Variants in ADCY2 observed in about 807,000 individuals in gnomAD.
ADCY2 encodes adenylate cyclase type 2.
In ADCY2, 31 loss-of-function variants were observed where a neutral mutation model predicts 125.2. That is an observed-to-expected ratio of 0.25 (90% CI 0.19 to 0.33). ADCY2 has a LOEUF of 0.33. Ranked by LOEUF, ADCY2 falls within the 10% of genes least tolerant of loss-of-function variation. ADCY2 has a pLI of 1.00. For synonymous variants in ADCY2, 512 were observed against 548.4 expected, an observed-to-expected ratio of 0.93 and a Z score of 0.93; for missense variants, 904 against 1,418.2, an observed-to-expected ratio of 0.64 and a Z score of 5.82.
chr5:7,416,320 C>G (rs1000529343), intron 2 of ADCY2, among the ~76,000 whole-genome samples: 2 of 152,146 alleles, frequency 1.3e-5, no homozygotes, highest in African/African-American at 4.8e-5. Flanking sequence ...ACCCGGCGGG[C>G]GCCATCACCT....
chr5:7,762,568 G>A (rs781121751), intron 16 of ADCY2, among the ~76,000 whole-genome samples: 3 of 152,354 alleles, frequency 2.0e-5, no homozygotes, highest in South Asian at 2.1e-4. Context: ...TCAGGAAGGC[G>A]ACACCTTCTG....
chr5:7,725,651 C>A (rs973702293), intron 13 of ADCY2, among the ~76,000 whole-genome samples: 1 of 152,132 alleles, frequency 6.6e-6, no homozygotes, highest in Non-Finnish European at 1.5e-5. Context: ...TTATTTCTTT[C>A]CTGATAGAAG....
chr5:7,469,651 T>C (rs1742262918), intron 2 of ADCY2, among the ~76,000 whole-genome samples: 1 of 151,876 alleles, frequency 6.6e-6, no homozygotes, highest in Non-Finnish European at 1.5e-5. Context: ...ATGTTTGACA[T>C]TTCAAATCCT....
At chr5:7,462,376 T>A (rs906290160) in intron 2 of ADCY2, among the ~76,000 whole-genome samples, 1 of 152,218 alleles carries the variant, frequency 6.6e-6, no homozygotes, top group Non-Finnish European at 1.5e-5. Flanking sequence ...CACTGATTGA[T>A]AATAACTAGG....
intron 3 of ADCY2, among the ~76,000 whole-genome samples, chr5:7,555,977 A>G (rs1735496248): frequency 6.6e-6 from 1 of 152,074 alleles, no homozygotes; most frequent in African/African-American, 2.4e-5. Context: ...ACTGCACAAT[A>G]TGGTAGCCAC....
At chr5:7,466,726 A>G (rs1742132678) in intron 2 of ADCY2, among the ~76,000 whole-genome samples, 1 of 152,216 alleles carries the variant, frequency 6.6e-6, no homozygotes. Context: ...AATGTAAATA[A>G]TAGAGTCCAC....
At chr5:7,399,285 TTTGGACTACAAAATGCTC>T in intron 1 of ADCY2, among the ~76,000 whole-genome samples, 1 of 152,352 alleles carries the variant, frequency 6.6e-6, no homozygotes, top group East Asian at 1.9e-4. Flanking sequence ...TCCTAGAGCA[TTTGGACTACAAAATGCTC>T]TTAGCATAAT....
Position 7,396,164 on chromosome 5 carries a change from A to C in ADCY2, c.-133A>C. 1.3e-5 allele frequency: 3 copies of C among 223,890 alleles called. No homozygotes were observed. The highest frequency in any genetic ancestry group is 2.1e-5 in the Non-Finnish European group (3 of 141,150). 13.9% of individuals were successfully genotyped at this position (223,890 alleles called of 1,614,324 possible). On this transcript the variant is annotated 5_prime_UTR_variant, in exon 1 of 25. Coordinates refer to ENST00000338316, the MANE Select transcript of ADCY2 (RefSeq NM_020546.3). This position sits in a 1 kb window ranked among gnomAD's most constrained non-coding sequence, Gnocchi z 5.7. ...GGGCGCCGAGCTCCGCCCGCGCCGG[A>C]GGCCCCTGCGCGCAGCTCCGGGTGC...
chr5:7,517,110 C>T (rs141505083), intron 2 of ADCY2, among the ~76,000 whole-genome samples: 3 of 152,216 alleles, frequency 2.0e-5, no homozygotes, highest in South Asian at 2.1e-4. Context: ...GTAGAAGATA[C>T]GTAGGAAGAT....
At chr5:7,805,778 T>TAGTTTCCC (rs1171873429) in intron 22 of ADCY2, among the ~76,000 whole-genome samples, 1 of 152,212 alleles carries the variant, frequency 6.6e-6, no homozygotes, top group African/African-American at 2.4e-5. Flanking sequence ...GAGAGGGTCC[T>TAGTTTCCC]AGTTTCCCGC....
Position 7,482,791 on chromosome 5 carries a change from T to TATATATATATATATAC in ADCY2, c.409-37946_409-37945insTATATATATATATACA, listed in dbSNP as rs1443104319. On this transcript the variant is annotated intron_variant, in intron 2 of 24. Coordinates refer to ENST00000338316, the MANE Select transcript of ADCY2 (RefSeq NM_020546.3). ...TGATATATATATATATATATATATA[T>TATATATATATATATAC]ACACACACACATACATATATACATA... 9.0e-4 allele frequency among the ~76,000 whole-genome samples: 126 copies of TATATATATATATATAC among 139,806 alleles called. 1 individual carries two copies. Among genetic ancestry groups the TATATATATATATATAC allele is most frequent in the African/African-American group, 3.3e-3 (119 of 35,750 alleles). The allele number at this position is 139,806 out of a possible 152,430, so 91.7% of individuals were successfully genotyped here. A position where few individuals can be genotyped will look rare whatever the true frequency, so the allele number is the denominator to read the frequency against.
At chr5:7,696,810 C>G (rs547539795) in intron 6 of ADCY2, among the ~76,000 whole-genome samples, 1 of 152,256 alleles carries the variant, frequency 6.6e-6, no homozygotes, top group South Asian at 2.1e-4. Flanking sequence ...TGTAGTTCCA[C>G]CGACCATGAC....
At chr5:7,770,820 T>C (rs1340413918) in intron 17 of ADCY2, among the ~76,000 whole-genome samples, 2 of 152,350 alleles carry the variant, frequency 1.3e-5, no homozygotes, top group East Asian at 3.9e-4. Flanking sequence ...TCAAACTCTT[T>C]GTGAAGGCCC....
chr5:7,753,456 G>A (rs67453028), intron 15 of ADCY2, among the ~76,000 whole-genome samples: 26,945 of 152,098 alleles, frequency 0.18, 3,626 homozygotes, highest in African/African-American at 0.38. Flanking sequence ...CTCACAGCAG[G>A]CATTTTCTCA....
At chr5:7,448,657 G>A (rs565815484) in intron 2 of ADCY2, among the ~76,000 whole-genome samples, 34 of 152,100 alleles carry the variant, frequency 2.2e-4, no homozygotes, top group Admixed American at 5.9e-4. Context: ...ACAGGTCCTC[G>A]TGTGTGTTGT....
intron 8 of ADCY2, among the ~76,000 whole-genome samples, chr5:7,707,451 C>A (rs920306103): frequency 1.1e-4 from 17 of 152,258 alleles, no homozygotes; most frequent in African/African-American, 3.4e-4. Context: ...TCAAGATAAT[C>A]AAGTTGTATT....
chr5:7,558,112 G>A (rs931117668), intron 3 of ADCY2, among the ~76,000 whole-genome samples: 1 of 151,922 alleles, frequency 6.6e-6, no homozygotes, highest in Non-Finnish European at 1.5e-5. Flanking sequence ...TAGTGCAGTG[G>A]CACAATCTCG....
chr5:7,405,897 C>G (rs1739470350), intron 1 of ADCY2, among the ~76,000 whole-genome samples: 1 of 152,178 alleles, frequency 6.6e-6, no homozygotes, highest in South Asian at 2.1e-4. Flanking sequence ...CTTGCTCTGT[C>G]ATCCAGGCTG....
chr5:7,700,693 C>T (rs2126335136), intron 7 of ADCY2, among the ~76,000 whole-genome samples: 1 of 30,364 alleles, frequency 3.3e-5, no homozygotes, highest in African/African-American at 9.2e-5. Flanking sequence ...AGATTAATGC[C>T]CCCACCCCCC....
Sources: gnomAD v4.1 joint callset for allele counts (sites outside exome capture counted in the v4.1 genomes callset) on GRCh38, gnomAD v4.1.1 for gene constraint, Gnocchi (gnomAD v3.1) non-coding constraint, MANE v1.5 for transcripts, NCBI Gene and HGNC (gene_info 2026-07-23, HGNC 2026-07-21) for gene names.